FHL2: variants seen among roughly 807,000 people sequenced by gnomAD.
FHL2 encodes four and a half LIM domains protein 2.
FHL2 carries 20 observed loss-of-function variants against 32.7 expected under a neutral mutation model. The ratio of observed to expected loss-of-function variants is 0.61; its 90% CI spans 0.43 to 0.89. The LOEUF (loss-of-function observed/expected upper bound fraction) is 0.89, where lower values mean the gene tolerates loss of function less well. Ranked by LOEUF, FHL2 falls within the 40% of genes least tolerant of loss-of-function variation. The pLI is 0.00. For missense variants in FHL2, 311 were observed against 358.6 expected, an observed-to-expected ratio of 0.87 and a Z score of 1.07; for synonymous variants, 123 against 128.1, an observed-to-expected ratio of 0.96 and a Z score of 0.27.
intron 1 of FHL2, among the ~76,000 whole-genome samples, chr2:105,411,724 A>G (rs1223271748): frequency 6.6e-6 from 1 of 151,844 alleles, no homozygotes; most frequent in Non-Finnish European, 1.5e-5. Context: ...CAGAAGGCTG[A>G]GACAGGATAA....
intron 4 of FHL2, 117 bp from the exon 5 acceptor site, chr2:105,367,856 A>G (rs1437495424): frequency 3.2e-5 from 32 of 1,012,384 alleles, no homozygotes; most frequent in Non-Finnish European, 4.2e-5. Flanking sequence ...AAGCCACTTC[A>G]GCTCTTGAAG....
At chr2:105,428,204 C>T (rs567223585) in intron 1 of FHL2, among the ~76,000 whole-genome samples, 12 of 152,166 alleles carry the variant, frequency 7.9e-5, no homozygotes, top group Non-Finnish European at 1.5e-4. Context: ...TCCTGGAGGC[C>T]CTGAGCCACC....
chr2:105,425,037 G>C (rs1558732851), intron 1 of FHL2, among the ~76,000 whole-genome samples: 1 of 152,122 alleles, frequency 6.6e-6, no homozygotes, highest in Non-Finnish European at 1.5e-5. Flanking sequence ...GTAGGGAAAA[G>C]AAAGAGAGAT....
intron 1 of FHL2, among the ~76,000 whole-genome samples, chr2:105,438,076 C>T (rs1558739495): frequency 6.6e-6 from 1 of 152,180 alleles, no homozygotes; most frequent in Non-Finnish European, 1.5e-5. Context: ...AAAACAGATT[C>T]CCACTGAAAG....
intron 1 of FHL2, chr2:105,438,306 C>T: frequency 1.1e-6 from 1 of 932,900 alleles, no homozygotes; most frequent in Non-Finnish European, 1.3e-6. Flanking sequence ...ACTCCCTCTG[C>T]ATGCAACAAG....
intron 1 of FHL2, among the ~76,000 whole-genome samples, chr2:105,411,394 A>C (rs1376701922): frequency 6.6e-6 from 1 of 152,134 alleles, no homozygotes; most frequent in Non-Finnish European, 1.5e-5. Context: ...AGTATAATGT[A>C]CAATTTTTTT....
intron 3 of FHL2, among the ~76,000 whole-genome samples, chr2:105,380,485 T>C (rs1681810209): frequency 6.6e-6 from 1 of 152,174 alleles, no homozygotes; most frequent in Admixed American, 6.5e-5. Context: ...TGCCTCAGCC[T>C]CCCAAAGTGC....
At chr2:105,425,648 G>A (rs1486204081) in intron 1 of FHL2, among the ~76,000 whole-genome samples, 1 of 152,058 alleles carries the variant, frequency 6.6e-6, no homozygotes, top group East Asian at 1.9e-4. Context: ...GGCGGGAGAC[G>A]AGACATGTTT....
intron 3 of FHL2, among the ~76,000 whole-genome samples, chr2:105,382,934 G>T (rs1682005203): frequency 6.6e-6 from 1 of 152,156 alleles, no homozygotes; most frequent in African/African-American, 2.4e-5. Flanking sequence ...CACCCAGGCT[G>T]GAGTACAGTG....
intron 1 of FHL2, among the ~76,000 whole-genome samples, chr2:105,432,711 C>T (rs1396664858): frequency 6.6e-6 from 1 of 152,080 alleles, no homozygotes; most frequent in African/African-American, 2.4e-5. Context: ...GACATGTGTG[C>T]ACACAGGCAC....
chr2:105,376,412 G>T (rs1426836007), intron 3 of FHL2: 3 of 152,170 alleles, frequency 2.0e-5, no homozygotes, highest in Non-Finnish European at 4.4e-5. Flanking sequence ...AACATATTTT[G>T]TACCTAAATG....
chr2:105,365,049 G>A (rs1680532727), intron 5 of FHL2, among the ~76,000 whole-genome samples: 1 of 152,192 alleles, frequency 6.6e-6, no homozygotes, highest in Non-Finnish European at 1.5e-5. Context: ...CCTGCAACAT[G>A]TGTCCTCAGT....
chr2:105,374,133 C>A (rs886635078), intron 3 of FHL2: 1 of 287,220 alleles, frequency 3.5e-6, no homozygotes, highest in East Asian at 9.0e-5. Context: ...GGAGCCCTGC[C>A]CAACTCAGAT....
chr2:105,411,045 T>A (rs1047139281), intron 1 of FHL2, among the ~76,000 whole-genome samples: 3 of 152,188 alleles, frequency 2.0e-5, no homozygotes, highest in African/African-American at 7.2e-5. Context: ...ATTGAATCTT[T>A]GTGAAATTTG....
Position 105,428,528 on chromosome 2 carries a change from G to A in FHL2, c.-25+9871C>T, listed in dbSNP as rs530178048. Among the ~76,000 whole-genome samples the A allele has an allele frequency of 1.6e-3, 240 of 152,332 alleles. 1 individual carries two copies. The highest frequency in any genetic ancestry group is 5.0e-3 in the African/African-American group (208 of 41,580). On this transcript the variant is annotated intron_variant, in intron 1 of 5. Coordinates refer to the FHL2 transcript ENST00000393352. The stretch of plus-strand genomic sequence containing the variant: ...TGAGAGGTTGGGCTCCTCATAGGCC[G>A]CCAGCCTGACTCGGAGGACCGTCTA...
intron 1 of FHL2, among the ~76,000 whole-genome samples, chr2:105,426,924 C>T (rs539129739): frequency 2.0e-5 from 3 of 152,270 alleles, no homozygotes; most frequent in African/African-American, 7.2e-5. Context: ...CTTTTTCTTT[C>T]TTTTCCTTTT....
chr2:105,428,981 G>T (rs1415454069), intron 1 of FHL2, among the ~76,000 whole-genome samples: 1 of 152,192 alleles, frequency 6.6e-6, no homozygotes, highest in Non-Finnish European at 1.5e-5. Flanking sequence ...GGGTGAGATG[G>T]ATTGTTTTAA....
intron 1 of FHL2, among the ~76,000 whole-genome samples, chr2:105,397,854 CTT>C (rs1281539980): frequency 6.7e-6 from 1 of 148,394 alleles, no homozygotes; most frequent in East Asian, 2.0e-4. Context: ...ACTTCTAAGA[CTT>C]GATGCAAATG....
At chr2:105,365,193 C>T (rs1427389095) in intron 5 of FHL2, among the ~76,000 whole-genome samples, 1 of 152,156 alleles carries the variant, frequency 6.6e-6, no homozygotes, top group African/African-American at 2.4e-5. Flanking sequence ...AGTTGAGGTC[C>T]CTCCATTCCA....
Sources: gnomAD v4.1 joint callset for allele counts (sites outside exome capture counted in the v4.1 genomes callset) on GRCh38, gnomAD v4.1.1 for gene constraint, MANE v1.5 for transcripts, NCBI Gene and HGNC (gene_info 2026-07-23, HGNC 2026-07-21) for gene names.